The following MCF2L variants were observed in gnomAD, a reference collection of about 807,000 sequenced individuals.
MCF2L encodes guanine nucleotide exchange factor DBS.
In MCF2L, 97 loss-of-function variants were observed where a neutral mutation model predicts 153.4. The ratio of observed to expected loss-of-function variants is 0.63; its 90% CI spans 0.54 to 0.75. The LOEUF (loss-of-function observed/expected upper bound fraction) is 0.75. Among genes scored for constraint, MCF2L ranks in the 30% least tolerant of loss-of-function variants. The pLI is 0.00. For missense variants in MCF2L, 1,347 were observed against 1,495.2 expected (o/e 0.90, Z 1.64); for synonymous variants, 659 against 632.2 (o/e 1.04, Z -0.64).
chr13:112,973,955 C>T (rs1317573), intron 1 of MCF2L, among the ~76,000 whole-genome samples: 75,864 of 151,910 alleles, frequency 0.5, 20,365 homozygotes, highest in Non-Finnish European at 0.61. Context: ...GGATGGTGGC[C>T]GCCTTCCAGC....
chr13:113,051,545 C>T (rs1304158203), intron 4 of MCF2L, among the ~76,000 whole-genome samples: 1 of 152,204 alleles, frequency 6.6e-6, no homozygotes, highest in Admixed American at 6.5e-5. Flanking sequence ...AGCCCTTCTT[C>T]ACTGTGTATT....
rs769969946 is a variant in MCF2L, at chr13:113,060,737, G to T, written c.489+25G>T. On this transcript the variant is annotated intron_variant, in intron 5 of 29. Coordinates refer to ENST00000535094, the MANE Select transcript of MCF2L (RefSeq NM_001112732.3). The stretch of plus-strand genomic sequence containing the variant: ...GGTAAGTGCGCCCCGCCTCCATCCT[G>T]CGGTAGCAGAACGGAACTCATTGCC... 5 of 1,610,232 alleles carry T rather than the reference G, an allele frequency of 3.1e-6. No homozygotes were observed. The Admixed American group carries it at 8.3e-5, about 27-fold the overall frequency.
At position 113,096,770 on chromosome 13, in the gene MCF2L, G is replaced by A. The variant is rs761905472; in HGVS notation, c.3293-4G>A. On this transcript the variant is annotated splice_polypyrimidine_tract_variant and splice_region_variant and intron_variant, in intron 29 of 29. Coordinates refer to ENST00000535094, the MANE Select transcript of MCF2L (RefSeq NM_001112732.3). Reference sequence around the variant, plus strand: ...AAGCCCGTCCCCGCCTGATCTCCCCGCAGAGTCGAGCCCGGGGTCGGCCGT... The same window carrying A: ...AAGCCCGTCCCCGCCTGATCTCCCCACAGAGTCGAGCCCGGGGTCGGCCGT... 14 of 1,565,736 alleles carry A rather than the reference G, an allele frequency of 8.9e-6. No individual in the cohort carries two copies. Among genetic ancestry groups the A allele is most frequent in the Middle Eastern group, 1.7e-4 (1 of 5,850 alleles).
chr13:112,939,884 A>G (rs1188465595), intron 2 of MCF2L, among the ~76,000 whole-genome samples: 1 of 151,934 alleles, frequency 6.6e-6, no homozygotes, highest in African/African-American at 2.4e-5. Flanking sequence ...GCAGGAGATC[A>G]CTTGAACTGA....
intron 3 of MCF2L, among the ~76,000 whole-genome samples, chr13:113,041,917 C>T (rs1401070958): frequency 6.6e-6 from 1 of 152,138 alleles, no homozygotes; most frequent in Non-Finnish European, 1.5e-5. Flanking sequence ...GCCAGGTTCC[C>T]CTGTCCGTGC....
At chr13:113,083,857 C>A in intron 17 of MCF2L, 141 bp from the exon 18 acceptor site, 1 of 700,752 alleles carries the variant, frequency 1.4e-6, no homozygotes, top group Non-Finnish European at 2.6e-6. Flanking sequence ...ACAGGCGTGG[C>A]TGCGGCGTCT....
chr13:112,913,765 C>T (rs759337524), intron 2 of MCF2L, among the ~76,000 whole-genome samples: 19 of 152,194 alleles, frequency 1.2e-4, no homozygotes, highest in South Asian at 4.1e-4. Context: ...GATTCGTTGA[C>T]GTCCTCTCAA....
At chr13:113,020,652 C>T (rs935708042) in intron 2 of MCF2L, among the ~76,000 whole-genome samples, 2 of 152,316 alleles carry the variant, frequency 1.3e-5, no homozygotes, top group Admixed American at 6.5e-5. Context: ...TCACGGGAGC[C>T]CCACTCCCAC....
chr13:112,997,338 G>A (rs545729219), intron 1 of MCF2L, among the ~76,000 whole-genome samples: 3 of 152,318 alleles, frequency 2.0e-5, no homozygotes, highest in Non-Finnish European at 2.9e-5. Flanking sequence ...GGTGGGAGCC[G>A]AGGAGCTGGC....
At position 113,001,501 on chromosome 13, in the gene MCF2L, G is replaced by A. The variant is rs2083374307; in HGVS notation, c.80-13262G>A. 7 of 181,326 alleles carry A rather than the reference G, an allele frequency of 3.9e-5. No individual in the cohort carries two copies. In the Admixed American group the frequency reaches 4.4e-4, roughly 11 times the overall value. 11.2% of individuals were successfully genotyped at this position (181,326 alleles called of 1,614,324 possible). ...CCCCACAGCTGTGGGGCTGGCTCGG[G>A]GGACGGATCTCTGCTAAGCATGGCC... is the stretch of plus-strand genomic sequence containing the variant. On this transcript the variant is annotated intron_variant, in intron 1 of 29. Coordinates refer to ENST00000535094, the MANE Select transcript of MCF2L (RefSeq NM_001112732.3).
At chr13:113,069,888 A>G (rs182511564) in intron 8 of MCF2L, among the ~76,000 whole-genome samples, 171 bp from the exon 9 acceptor site, 326 of 152,274 alleles carry the variant, frequency 2.1e-3, no homozygotes, top group African/African-American at 7.3e-3. Flanking sequence ...GACGGCCCTG[A>G]GTGCCCGCGC....
chr13:113,059,230 G>A (rs1035113699), intron 4 of MCF2L, among the ~76,000 whole-genome samples: 6 of 152,340 alleles, frequency 3.9e-5, no homozygotes, highest in African/African-American at 1.4e-4. Flanking sequence ...TGCAGCCAGC[G>A]TGGCTGGAGG....
At chr13:112,962,035 G>GCA (rs112061636) in intron 2 of MCF2L, among the ~76,000 whole-genome samples, 6,520 of 148,700 alleles carry the variant, frequency 0.044, 196 homozygotes, top group African/African-American at 0.087. Flanking sequence ...ACCCAGGCAT[G>GCA]CACACACACA....
intron 27 of MCF2L, chr13:113,095,997 C>G (rs536636358): frequency 1.0e-4 from 38 of 367,234 alleles, no homozygotes; most frequent in African/African-American, 8.4e-4. Flanking sequence ...AGAGGACGGG[C>G]GAGTCGGGGA....
chr13:112,908,533 G>C (rs145689182), intron 2 of MCF2L, among the ~76,000 whole-genome samples: 1 of 152,134 alleles, frequency 6.6e-6, no homozygotes, highest in South Asian at 2.1e-4. Flanking sequence ...GCATGCCCCA[G>C]AGCACACATG....
chr13:112,987,177 C>G (rs913340118), intron 1 of MCF2L, among the ~76,000 whole-genome samples: 2 of 152,192 alleles, frequency 1.3e-5, no homozygotes, highest in Non-Finnish European at 2.9e-5. Flanking sequence ...GCACGGGCCG[C>G]AGGGTCTCTG....
chr13:113,074,044 C>T lies in MCF2L; in HGVS notation c.997-400C>T, dbSNP rs558046587. 6.6e-6 allele frequency among the ~76,000 whole-genome samples: 1 copy of T among 152,332 alleles called. No homozygotes were observed. The highest frequency in any genetic ancestry group is 1.9e-4 in the East Asian group (1 of 5,196). ...GAAGGGACTGAGTTACATAACTCTC[C>T]ACACCTAGGATCCAGTAGGAATGCT... On this transcript the variant is annotated intron_variant, in intron 9 of 29. Coordinates refer to ENST00000535094, the MANE Select transcript of MCF2L (RefSeq NM_001112732.3). This position sits in a 1 kb window ranked among gnomAD's most constrained non-coding sequence, Gnocchi z 4.2.
intron 15 of MCF2L, among the ~76,000 whole-genome samples, chr13:113,080,031 G>A (rs1290953220): frequency 3.5e-5 from 1 of 28,912 alleles, no homozygotes; most frequent in Non-Finnish European, 7.1e-5. Flanking sequence ...CCAGGCAGGG[G>A]GGCATCCGCA....
chr13:113,064,442 G>C lies in MCF2L; in HGVS notation c.606+22G>C. The C allele has an allele frequency of 6.6e-7, 1 of 1,508,012 alleles. No homozygotes were observed. Among genetic ancestry groups the C allele is most frequent in the Non-Finnish European group, 9.2e-7 (1 of 1,087,460 alleles). 93.4% of individuals were successfully genotyped at this position (1,508,012 alleles called of 1,614,324 possible). On this transcript the variant is annotated intron_variant, in intron 6 of 29. Transcript: ENST00000535094. The surrounding 1 kb of genome is among the most constrained non-coding windows in gnomAD (Gnocchi z 6.0). The stretch of plus-strand genomic sequence containing the variant: ...CACGGTGAGCCGCGTCGGGGCCAGC[G>C]GGGCTGGCTGATACCAGCTCGAGTA...
Sources: gnomAD v4.1 joint callset for allele counts (sites outside exome capture counted in the v4.1 genomes callset) on GRCh38, gnomAD v4.1.1 for gene constraint, Gnocchi (gnomAD v3.1) non-coding constraint, MANE v1.5 for transcripts, NCBI Gene and HGNC (gene_info 2026-07-23, HGNC 2026-07-21) for gene names.